The following CDK16 variants were observed in gnomAD, a reference collection of about 807,000 sequenced individuals.
The protein encoded by CDK16 is cyclin dependent kinase 16.
CDK16 carries 2 observed loss-of-function variants against 41.6 expected under a neutral mutation model. The observed-to-expected ratio is 0.05, with a 90% CI of 0.02 to 0.15. CDK16 has a LOEUF of 0.15. Among genes scored for constraint, CDK16 ranks in the 10% least tolerant of loss-of-function variants. The pLI is 1.00. For synonymous variants in CDK16, 169 were observed against 169.7 expected (o/e 1.00, Z 0.03); for missense variants, 228 against 428.9 (o/e 0.53, Z 4.14).
chrX:47,225,901 TGAG>T (rs1257699665), intron 7 of CDK16, 35 bp downstream of exon 7: 21 of 1,192,682 alleles, frequency 1.8e-5, no homozygotes, highest in Non-Finnish European at 2.4e-5. Flanking sequence ...CAGGGGGAGG[TGAG>T]GAGAAGGCCA....
At chrX:47,223,440 G>T (rs1308469169) in intron 1 of CDK16, 112 bp from the exon 2 acceptor site, 1 of 978,400 alleles carries the variant, frequency 1.0e-6, no homozygotes, top group Admixed American at 2.7e-5. Flanking sequence ...GGTTGAGTGA[G>T]CACTGACAAG....
Position 47,226,321 on chromosome X carries a change from C to G in CDK16, c.835C>G (p.Arg279Gly), listed in dbSNP as rs1310891924. Residue 279 changes from arginine to glycine, a missense_variant, in exon 9 of 16, where the codon CGG (arginine) becomes GGG (glycine). Transcript: ENST00000357227. ...QLLRGLAYCH[R>G]QKVLHRDLKP... ...GCTCCGTGGCCTGGCCTACTGCCAC[C>G]GGCAGAAGGTGCTACACCGAGACCT... is the stretch of plus-strand genomic sequence containing the variant. 1.7e-6 allele frequency: 2 copies of G among 1,209,469 alleles called. No individual in the cohort carries two copies. Among genetic ancestry groups the G allele is most frequent in the Non-Finnish European group, 1.1e-6 (1 of 894,039 alleles).
chrX:47,220,534 C>T (rs1937296517), intron 1 of CDK16, among the ~76,000 whole-genome samples: 2 of 108,350 alleles, frequency 1.8e-5, no homozygotes, highest in Admixed American at 2.0e-4. Context: ...GAGGGTCAGG[C>T]CATGGTAGAA....
At chrX:47,227,352 T>C in intron 13 of CDK16, 27 bp from the exon 14 acceptor site, 2 of 1,167,176 alleles carry the variant, frequency 1.7e-6, no homozygotes, top group Non-Finnish European at 2.3e-6. Context: ...ATATCAATAC[T>C]ATCCCCCTCC....
intron 1 of CDK16, among the ~76,000 whole-genome samples, chrX:47,220,485 A>G (rs193288267): frequency 9.2e-6 from 1 of 108,835 alleles, no homozygotes; most frequent in East Asian, 2.9e-4. Flanking sequence ...AGTGTGTGCT[A>G]ATGGGAGTCA....
At chrX:47,226,457 C>A in intron 9 of CDK16, 55 bp downstream of exon 9, 1 of 1,198,393 alleles carries the variant, frequency 8.3e-7, no homozygotes, top group Admixed American at 2.2e-5. Context: ...TTTCCCATGA[C>A]CACTTAGTCT....
intron 6 of CDK16, among the ~76,000 whole-genome samples, chrX:47,225,569 C>G (rs1175226237): frequency 8.9e-6 from 1 of 111,823 alleles, no homozygotes; most frequent in Non-Finnish European, 1.9e-5. Flanking sequence ...TCCTCTGAGT[C>G]TTATTTTCCA....
At position 47,228,841 on chromosome X, in the gene CDK16, A is replaced by C; in HGVS notation, c.*73A>C. The C allele has an allele frequency of 1.0e-6, 1 of 1,003,291 alleles. No homozygotes were observed. Among genetic ancestry groups the C allele is most frequent in the Non-Finnish European group, 1.4e-6 (1 of 718,782 alleles). 82.7% of individuals were successfully genotyped at this position (1,003,291 alleles called of 1,213,427 possible). ...CCCTCACAGGGCAGCCCCCAACTAC[A>C]TCTTCCCTGCTTACTCTCTGCCTAC... On this transcript the variant is annotated 3_prime_UTR_variant, in exon 16 of 16. Transcript: ENST00000357227.
At position 47,224,696 on chromosome X, in the gene CDK16, C is replaced by T; in HGVS notation, c.415C>T (p.Pro139Ser). Residue 139 changes from proline (P) to serine (S), a missense_variant, in exon 4 of 16, where the codon CCC becomes TCC. By Grantham distance (74) the Pro-to-Ser change is moderately conservative. Around this residue, in one of 3 missense-constraint regions of CDK16, gnomAD observed 66 missense variants for 197.2 expected, o/e 0.33. Coordinates refer to ENST00000357227, the MANE Select transcript of CDK16 (RefSeq NM_006201.5). Reference protein sequence around the residue: ...GYLEKLTLNSPIFDKPLSRRL... With the variant: ...GYLEKLTLNSSIFDKPLSRRL... The stretch of plus-strand genomic sequence containing the variant: ...CCTGGAGAAGCTGACCCTCAATAGC[C>T]CCATCTTTGACAAGCCCCTCAGCCG... 1 of 1,211,700 alleles carries T rather than the reference C, an allele frequency of 8.3e-7. No individual in the cohort carries two copies. The highest frequency in any genetic ancestry group is 1.1e-6 in the Non-Finnish European group (1 of 895,441).
chrX:47,220,399 G>C (rs1334898513), intron 1 of CDK16, among the ~76,000 whole-genome samples: 1 of 107,556 alleles, frequency 9.3e-6, no homozygotes, highest in Non-Finnish European at 1.9e-5. Flanking sequence ...AGATATCTCT[G>C]AGCAGAGAGC....
upstream of CDK16, chrX:47,218,675 T>G (rs1209549163): frequency 1.7e-6 from 2 of 1,165,205 alleles, no homozygotes; most frequent in African/African-American, 3.6e-5. Flanking sequence ...GTGAGTCCCC[T>G]CCTTTCCACT....
chrX:47,227,096 C>G lies in CDK16; in HGVS notation c.1238C>G (p.Pro413Arg). 1 of 1,210,266 alleles carries G rather than the reference C, an allele frequency of 8.3e-7. No individual in the cohort carries two copies. The highest frequency in any genetic ancestry group is 1.8e-5 in the South Asian group (1 of 56,941). The change falls in exon 12 of 16, where the codon CCC (proline) becomes CGC (arginine). Residue 413 changes from proline to arginine, a missense_variant. Coordinates refer to ENST00000357227, the MANE Select transcript of CDK16 (RefSeq NM_006201.5). ...YRAEALLSHA[P>R]RLDSDGADLL... is the part of the protein sequence containing the mutation. ...GCCGAGGCCCTTTTGAGCCACGCAC[C>G]CCGGTGAGGCTGGTGGGTGGGTGGG...
Position 47,221,154 on chromosome X carries a change from C to T in CDK16, c.-7+2049C>T, listed in dbSNP as rs370513612. On this transcript the variant is annotated intron_variant, in intron 1 of 15. Transcript: ENST00000357227. ...GGGATCAGGACATAGGGTGCGATGACCAAGTCCTTAGTGGTTGGTGTGTTG... is the reference window on the plus strand; with the variant it reads ...GGGATCAGGACATAGGGTGCGATGATCAAGTCCTTAGTGGTTGGTGTGTTG... Among the ~76,000 whole-genome samples, 13 of 110,940 alleles carry T rather than the reference C, an allele frequency of 1.2e-4. No homozygotes were observed. In the East Asian group the frequency reaches 2.8e-3, roughly 24 times the overall value.
In CDK16 at chrX:47,219,101, CG is replaced by C; in HGVS notation, c.-10del. On this transcript the variant is annotated 5_prime_UTR_variant, in exon 1 of 16. Coordinates refer to ENST00000357227, the MANE Select transcript of CDK16 (RefSeq NM_006201.5). ...GGCTCTGAGGTTGCTCGCGCGCCCCCGCCGGTGAGCGCGTCCCCGAGGCGTG... is the reference window on the plus strand; with the variant it reads ...GGCTCTGAGGTTGCTCGCGCGCCCCCCCGGTGAGCGCGTCCCCGAGGCGTG... The C allele has an allele frequency of 1.2e-6, 1 of 812,645 alleles. No homozygotes were observed. Among genetic ancestry groups the C allele is most frequent in the Admixed American group, 7.1e-5 (1 of 14,159 alleles). 67.0% of individuals were successfully genotyped at this position (812,645 alleles called of 1,213,427 possible). A position where few individuals can be genotyped will look rare whatever the true frequency, so the allele number is the denominator to read the frequency against.
chrX:47,221,365 G>C (rs1937330715), intron 1 of CDK16, among the ~76,000 whole-genome samples: 1 of 112,006 alleles, frequency 8.9e-6, no homozygotes, highest in South Asian at 3.7e-4. Flanking sequence ...GCGTATAAAT[G>C]TTCAATTATC....
Position 47,218,720 on chromosome X carries a change from A to T in CDK16, c.-392A>T, listed in dbSNP as rs782503069. ...CGAGCGCCTGCGTGCGCATGCGCGG[A>T]GCGCGGCGCGCGCGGCGGTTGGGCC... On this transcript the variant is annotated 5_prime_UTR_variant, in exon 1 of 16. Transcript: ENST00000357227. 1.7e-6 allele frequency: 2 copies of T among 1,161,500 alleles called. No homozygotes were observed. The highest frequency in any genetic ancestry group is 2.3e-4 in the Middle Eastern group (1 of 4,284).
chrX:47,224,349 C>T lies in CDK16; in HGVS notation c.203-36C>T, dbSNP rs368986879. On this transcript the variant is annotated intron_variant, in intron 2 of 15. Transcript: ENST00000357227. ...ATGGGGTGTCCTGTGGTTCCTGACC[C>T]CACCTGGCCTGCCCTACCCCTCTCC... 1.7e-5 allele frequency: 19 copies of T among 1,151,410 alleles called. No homozygotes were observed. The African/African-American group carries it at 2.2e-4, about 13-fold the overall frequency. The allele number at this position is 1,151,410 out of a possible 1,213,427, so 94.9% of individuals were successfully genotyped here.
intron 1 of CDK16, 53 bp from the exon 2 acceptor site, chrX:47,223,499 T>G: frequency 8.8e-7 from 1 of 1,137,989 alleles, no homozygotes; most frequent in Non-Finnish European, 1.2e-6. Flanking sequence ...GAACCCATGG[T>G]GATCAAGCAA....
In CDK16 at chrX:47,229,069, C is replaced by T. The variant is rs1356911381; in HGVS notation, c.*301C>T. 1.5e-5 allele frequency: 6 copies of T among 404,628 alleles called. No homozygotes were observed. The South Asian group carries it at 1.9e-4, about 13-fold the overall frequency. The allele number at this position is 404,628 out of a possible 1,213,427, so 33.3% of individuals were successfully genotyped here. On this transcript the variant is annotated 3_prime_UTR_variant, in exon 16 of 16. Transcript: ENST00000357227. ...CCAGCCTCCCACACTGAGGCCAGGT[C>T]TACCCCCCATCATACCAGCCCCCAG... is the stretch of plus-strand genomic sequence containing the variant.
Sources: gnomAD v4.1 joint callset for allele counts (sites outside exome capture counted in the v4.1 genomes callset) on GRCh38, gnomAD v4.1.1 for gene constraint, gnomAD v4.1.1 regional missense constraint, MANE v1.5 for transcripts, NCBI Gene and HGNC (gene_info 2026-07-23, HGNC 2026-07-21) for gene names.